MUC5B: variants seen among roughly 807,000 people sequenced by gnomAD.
MUC5B encodes mucin-5B.
A neutral mutation model predicts 376.9 loss-of-function variants in MUC5B; 116 were observed. The observed-to-expected ratio is 0.31, with a 90% CI of 0.26 to 0.36. The LOEUF is 0.36. Among genes scored for constraint, MUC5B ranks in the 10% least tolerant of loss-of-function variants. MUC5B has a pLI of 1.00. For synonymous variants in MUC5B, 3,517 were observed against 3,390.9 expected (o/e 1.04, Z -1.29); for missense variants, 7,165 against 7,769.9 (o/e 0.92, Z 2.93).
In MUC5B at chr11:1,250,988, C is replaced by T. The variant is rs367888522; in HGVS notation, c.14108C>T (p.Thr4703Ile). 3 of 1,611,552 alleles carry T rather than the reference C, an allele frequency of 1.9e-6. No homozygotes were observed. Among genetic ancestry groups the T allele is most frequent in the Non-Finnish European group, 2.5e-6 (3 of 1,178,456 alleles). Residue 4703 changes from threonine to isoleucine, a missense_variant, in exon 31 of 49, where the codon ACA (threonine) becomes ATA (isoleucine). Thr to Ile is a moderately conservative substitution (Grantham distance 89). Coordinates refer to ENST00000529681, the MANE Select transcript of MUC5B (RefSeq NM_002458.3). ...AACCCCTCCTCAACTCCAGGGACAA[C>T]ACCCATCACCCCAGTGCTGACCAGC... The part of the protein sequence containing the change: ...TTNPSSTPGT[T>I]PITPVLTSTA...
At chr11:1,237,207 A>C in intron 25 of MUC5B, 43 bp downstream of exon 25, 1 of 1,360,648 alleles carries the variant, frequency 7.3e-7, no homozygotes, top group Non-Finnish European at 9.5e-7. Flanking sequence ...TGGGGATGGC[A>C]GTTGCTTCCT....
rs771016805 is a variant in MUC5B at position 1,239,875 on chromosome 11, C to T, written c.3660C>T (p.Cys1220=). The T allele has an allele frequency of 1.9e-6, 3 of 1,612,936 alleles. No individual in the cohort carries two copies. The highest frequency in any genetic ancestry group is 1.6e-4 in the Middle Eastern group (1 of 6,076). The change falls in exon 28 of 49, where the codon TGC becomes TGT. Residue 1220 remains cysteine (C), a synonymous_variant. Coordinates refer to ENST00000529681, the MANE Select transcript of MUC5B (RefSeq NM_002458.3). ...DQMKCVAQCG[C]YDKDGNYYDV... ...TGAAGTGCGTGGCCCAGTGTGGCTG[C>T]TACGACAAGGACGGAAACTACTATG...
intron 3 of MUC5B, 66 bp downstream of exon 3, chr11:1,226,342 G>C (rs1252402892): frequency 6.6e-7 from 1 of 1,522,128 alleles, no homozygotes; most frequent in Non-Finnish European, 8.9e-7. Context: ...TGGGGGCCCA[G>C]ATCTAGGGGT....
rs373706474 is a variant in MUC5B at position 1,226,232 on chromosome 11, G to A, written c.155G>A (p.Arg52His). The part of the protein sequence containing the change: ...GGAPTSSPTR[R>H]VSFVPPVTVF... The stretch of plus-strand genomic sequence containing the variant: ...GCCCCGACGTCCTCGCCCACCCGGC[G>A]CGTGAGCTTTGTTCCACCCGTCACT... The change falls in exon 3 of 49, where the codon CGC becomes CAC. Residue 52 changes from arginine (R) to histidine (H), a missense_variant. Arg to His is a conservative substitution (Grantham distance 29, BLOSUM62 0). Around this residue, in one of 31 missense-constraint regions of MUC5B, gnomAD observed 640 missense variants for 733.0 expected, o/e 0.87. Coordinates refer to ENST00000529681, the MANE Select transcript of MUC5B (RefSeq NM_002458.3). The A allele has an allele frequency of 2.8e-5, 44 of 1,555,890 alleles. No homozygotes were observed. Among genetic ancestry groups the A allele is most frequent in the South Asian group, 1.1e-4 (9 of 84,324 alleles).
At chr11:1,252,216 G>C in intron 31 of MUC5B, 127 bp from the exon 32 acceptor site, 1 of 918,880 alleles carries the variant, frequency 1.1e-6, no homozygotes, top group Non-Finnish European at 1.6e-6. Context: ...CTCAGCCTCT[G>C]CCCTCTCCAC....
intron 1 of MUC5B, among the ~76,000 whole-genome samples, chr11:1,223,609 A>T (rs1311527743): frequency 6.6e-6 from 1 of 151,920 alleles, no homozygotes; most frequent in Non-Finnish European, 1.5e-5. Context: ...GACCGGCTCT[A>T]CCCTTCACGA....
Position 1,232,659 on chromosome 11 carries a change from A to G in MUC5B, c.1954A>G (p.Thr652Ala), listed in dbSNP as rs1202725376. 5 of 1,601,858 alleles carry G rather than the reference A, an allele frequency of 3.1e-6. No homozygotes were observed. The East Asian group carries it at 1.1e-4, about 36-fold the overall frequency. ...ACCTCCGCAGAACTGCATGTTTGAC[A>G]CCTGCAACTGTGAGCGGAGCGAGGA... is the stretch of plus-strand genomic sequence containing the variant. ...KPFHSNCMFD[T>A]CNCERSEDCL... The change falls in exon 17 of 49, where the codon ACC becomes GCC. Residue 652 changes from threonine to alanine, a missense_variant. Physicochemically the swap from Thr to Ala is moderately conservative, Grantham distance 58. Transcript: ENST00000529681.
chr11:1,238,163 C>T (rs927843631), intron 25 of MUC5B, among the ~76,000 whole-genome samples: 2 of 152,168 alleles, frequency 1.3e-5, no homozygotes, highest in African/African-American at 4.8e-5. Flanking sequence ...AAGCAGGCAG[C>T]TTCCCATGGT....
chr11:1,241,775 A>T lies in MUC5B; in HGVS notation c.4895A>T (p.Gln1632Leu). 1.2e-6 allele frequency: 2 copies of T among 1,612,370 alleles called. No homozygotes were observed. The highest frequency in any genetic ancestry group is 8.5e-7 in the Non-Finnish European group (1 of 1,179,312). ...ACCCAGGCCCTGTTCTCAACGCCGC[A>T]GCCTACGAGTAGCCCGGGGCTGACC... The part of the protein sequence containing the change: ...TTTQALFSTP[Q>L]PTSSPGLTRA... The change falls in exon 31 of 49, where the codon CAG (glutamine) becomes CTG (leucine). Residue 1632 changes from glutamine (Q) to leucine (L), a missense_variant. Gln to Leu is a moderately radical substitution (Grantham distance 113). Transcript: ENST00000529681.
chr11:1,236,470 A>T lies in MUC5B; in HGVS notation c.2965A>T (p.Met989Leu). 1 of 1,612,988 alleles carries T rather than the reference A, an allele frequency of 6.2e-7. No individual in the cohort carries two copies. The highest frequency in any genetic ancestry group is 1.3e-5 in the African/African-American group (1 of 75,026). Residue 989 changes from methionine to leucine, a missense_variant, in exon 24 of 49, where the codon ATG becomes TTG. Coordinates refer to ENST00000529681, the MANE Select transcript of MUC5B (RefSeq NM_002458.3). ...GGDPPYKIRY[M>L]GIFLVIETHG... is the part of the protein sequence containing the mutation. ...GGACCCACCCTACAAGATACGCTAC[A>T]TGGGGATCTTCCTGGTCATCGAGAC...
In MUC5B at chr11:1,254,158, G is replaced by A; in HGVS notation, c.15284G>A (p.Gly5095Asp). The A allele has an allele frequency of 6.2e-7, 1 of 1,612,952 alleles. No individual in the cohort carries two copies. Among genetic ancestry groups the A allele is most frequent in the South Asian group, 1.1e-5 (1 of 91,090 alleles). ...TFDGTSYTFR[G>D]NCTYVLMREI... ...GACGGCACCTCTTACACCTTCCGGG[G>A]CAACTGCACCTATGTCCTCATGAGA... is the stretch of plus-strand genomic sequence containing the variant. The change falls in exon 34 of 49, where the codon GGC becomes GAC. Residue 5095 changes from glycine (G) to aspartate (D), a missense_variant. Gly to Asp is a moderately conservative substitution (Grantham distance 94). This residue lies in a region of MUC5B where 842 missense variants were observed against 1,016.9 expected (regional missense o/e 0.83). Coordinates refer to ENST00000529681, the MANE Select transcript of MUC5B (RefSeq NM_002458.3).
In MUC5B at chr11:1,262,046, G is replaced by T. The variant is rs1345113768; in HGVS notation, c.*438G>T. The T allele has an allele frequency of 3.8e-6, 2 of 526,824 alleles. No homozygotes were observed. The highest frequency in any genetic ancestry group is 4.0e-5 in the Admixed American group (2 of 50,442). 32.6% of individuals were successfully genotyped at this position (526,824 alleles called of 1,614,324 possible). ...GCTGCGACAGGCAAGGCGGCCGCCTGTCCATGCCTGCTGCAGGGTAACTCA... is the reference window on the plus strand; with the variant it reads ...GCTGCGACAGGCAAGGCGGCCGCCTTTCCATGCCTGCTGCAGGGTAACTCA... On this transcript the variant is annotated 3_prime_UTR_variant, in exon 49 of 49. Coordinates refer to ENST00000529681, the MANE Select transcript of MUC5B (RefSeq NM_002458.3).
intron 45 of MUC5B, 51 bp from the exon 46 acceptor site, chr11:1,259,912 T>C: frequency 6.2e-7 from 1 of 1,612,376 alleles, no homozygotes; most frequent in African/African-American, 1.3e-5. Flanking sequence ...AATGGGGCTC[T>C]GCACAAGAGG....
At position 1,257,508 on chromosome 11, in the gene MUC5B, G is replaced by T; in HGVS notation, c.16270-22G>T. The T allele has an allele frequency of 6.2e-7, 1 of 1,602,852 alleles. No individual in the cohort carries two copies. On this transcript the variant is annotated intron_variant, in intron 40 of 48. Transcript: ENST00000529681. This position sits in a 1 kb window ranked among gnomAD's most constrained non-coding sequence, Gnocchi z 8.9. The stretch of plus-strand genomic sequence containing the variant: ...CCTGTGTCTGTCCAGGAGCCCTCAG[G>T]GACCCCCTTGATCCATTCCAGCCCG...
At chr11:1,229,356 C>G in intron 9 of MUC5B, 61 bp downstream of exon 9, 2 of 1,463,998 alleles carry the variant, frequency 1.4e-6, no homozygotes, top group Non-Finnish European at 1.8e-6. Context: ...CCAACCCCGC[C>G]CCCAGCCTCA....
In MUC5B at chr11:1,242,856, G is replaced by C. The variant is rs1475997129; in HGVS notation, c.5976G>C (p.Trp1992Cys). 1.9e-6 allele frequency: 3 copies of C among 1,610,502 alleles called. No individual in the cohort carries two copies. The highest frequency in any genetic ancestry group is 3.3e-5 in the Admixed American group (2 of 59,708). The change falls in exon 31 of 49, where the codon TGG becomes TGC. Residue 1992 changes from tryptophan (W) to cysteine (C), a missense_variant. Transcript: ENST00000529681. Reference protein sequence around the residue: ...PIPSSSLGTTWTRLSQTTTPT... With the variant: ...PIPSSSLGTTCTRLSQTTTPT... ...CCTCTTCCTCCCTGGGCACCACCTG[G>C]ACCCGCCTATCACAGACCACCACAC...
Position 1,243,576 on chromosome 11 carries a change from G to A in MUC5B, c.6696G>A (p.Thr2232=), listed in dbSNP as rs776437354. 1.7e-5 allele frequency: 28 copies of A among 1,607,694 alleles called. No individual in the cohort carries two copies. The highest frequency in any genetic ancestry group is 9.9e-5 in the South Asian group (9 of 90,634). ...LGTTHITEPS[T]VTSHTLAATT... is the part of the protein sequence containing the mutation. ...CCACCCACATCACAGAGCCTTCCAC[G>A]GTGACTTCCCACACCCTAGCAGCAA... Residue 2232 remains threonine (T), a synonymous_variant, in exon 31 of 49, where the codon ACG becomes ACA. Coordinates refer to ENST00000529681, the MANE Select transcript of MUC5B (RefSeq NM_002458.3).
Position 1,261,440 on chromosome 11 carries a change from G to A in MUC5B, c.17121G>A (p.Glu5707=), listed in dbSNP as rs750291237. ...AMQHQCTCCQ[E]RRVHEETVPL... ...AGCACCAGTGCACCTGCTGCCAGGAGAGGCGGGTCCACGAGGAGACGGTGC... is the reference window on the plus strand; with the variant it reads ...AGCACCAGTGCACCTGCTGCCAGGAAAGGCGGGTCCACGAGGAGACGGTGC... The change falls in exon 49 of 49, where the codon GAG becomes GAA. Residue 5707 remains glutamate (E), a synonymous_variant. Coordinates refer to ENST00000529681, the MANE Select transcript of MUC5B (RefSeq NM_002458.3). The A allele has an allele frequency of 6.5e-7, 1 of 1,547,308 alleles. No individual in the cohort carries two copies. Among genetic ancestry groups the A allele is most frequent in the Admixed American group, 2.0e-5 (1 of 51,050 alleles).
Position 1,236,975 on chromosome 11 carries a change from CTT to C in MUC5B, c.3110_3111del (p.Phe1037CysfsTer4). 2 of 1,546,082 alleles carry C rather than the reference CTT, an allele frequency of 1.3e-6. No homozygotes were observed. Among genetic ancestry groups the C allele is most frequent in the Non-Finnish European group, 1.7e-6 (2 of 1,143,492 alleles). On this transcript the variant is annotated frameshift_variant, in exon 25 of 49. Coordinates refer to ENST00000529681, the MANE Select transcript of MUC5B (RefSeq NM_002458.3). LOFTEE classifies it high-confidence loss of function. ...ACTTCGACGACAATGCCATCAATGA[CTT>C]TGCCACGCGTAGCCGGTCCGTGGTG... ...GNFDDNAIND[F>X]ATRSRSVVGD... is the part of the protein sequence containing the mutation.
Sources: allele counts gnomAD v4.1 joint callset (sites outside exome capture counted in the v4.1 genomes callset), GRCh38; gene constraint gnomAD v4.1.1; regional missense constraint gnomAD v4.1.1; non-coding constraint Gnocchi (gnomAD v3.1); transcripts MANE v1.5; gene names NCBI Gene and HGNC (gene_info 2026-07-23, HGNC 2026-07-21).